The following PZP variants were observed in gnomAD, a reference collection of about 807,000 sequenced individuals.
PZP encodes pregnancy zone protein.
A neutral mutation model predicts 179.8 loss-of-function variants in PZP; 150 were observed. The observed-to-expected ratio is 0.83, with a 90% CI of 0.73 to 0.96. PZP has a LOEUF of 0.96. Among genes scored for constraint, PZP ranks in the 40% least tolerant of loss-of-function variants. PZP has a pLI of 0.00. For missense variants in PZP, 1,689 were observed against 1,764.0 expected, an observed-to-expected ratio of 0.96 and a Z score of 0.76; for synonymous variants, 624 against 652.3, an observed-to-expected ratio of 0.96 and a Z score of 0.66.
Position 9,203,873 on chromosome 12 carries a change from A to G in PZP, c.162T>C (p.Asn54=), listed in dbSNP as rs1021582897. 12 of 1,614,092 alleles carry G rather than the reference A, an allele frequency of 7.4e-6. No individual in the cohort carries two copies. Among genetic ancestry groups the G allele is most frequent in the Non-Finnish European group, 9.3e-6 (11 of 1,179,960 alleles). The stretch of plus-strand genomic sequence containing the variant: ...AGGAAGCACTTACAGTCACTGTCTC[A>G]TTCAGGTGGCTCAGAAGGACACAGC... ...KKGCVLLSHL[N]ETVTVSASLE... Residue 54 remains asparagine, a synonymous_variant, in exon 2 of 36, where the codon AAT becomes AAC. Transcript: ENST00000261336.
chr12:9,202,499 C>G (rs1944222591), intron 3 of PZP, 26 bp downstream of exon 3: 1 of 1,613,354 alleles, frequency 6.2e-7, no homozygotes, highest in Non-Finnish European at 8.5e-7. Flanking sequence ...CAGTGTTGCC[C>G]CAAACAGTGG....
At chr12:9,150,223 T>C (rs754231898) in intron 34 of PZP, among the ~76,000 whole-genome samples, 66 of 152,362 alleles carry the variant, frequency 4.3e-4, no homozygotes, top group African/African-American at 1.5e-3. Flanking sequence ...ATTCTTAAGT[T>C]TCTGACTCAA....
intron 13 of PZP, among the ~76,000 whole-genome samples, chr12:9,186,211 A>T (rs1943109357): frequency 6.6e-6 from 1 of 152,204 alleles, no homozygotes. Flanking sequence ...GGAAATGCTG[A>T]GGGAATTTGT....
At chr12:9,146,486 A>T (rs1940014960), downstream of PZP, among the ~76,000 whole-genome samples, 1 of 152,122 alleles carries the variant, frequency 6.6e-6, no homozygotes, top group South Asian at 2.1e-4. Flanking sequence ...TAAATCACAT[A>T]ATTCCATTTC....
chr12:9,174,480 G>T (rs967662832), intron 15 of PZP, among the ~76,000 whole-genome samples: 20 of 152,024 alleles, frequency 1.3e-4, no homozygotes. Flanking sequence ...AGGGCAATCA[G>T]GCAAGAGAAA....
At chr12:9,137,354 T>C in the PZP span, among the ~76,000 whole-genome samples, 2 of 152,136 alleles carry the variant, frequency 1.3e-5, no homozygotes, top group South Asian at 4.1e-4. Flanking sequence ...GGTGCATTTA[T>C]TCCTGAGATC....
downstream of PZP, among the ~76,000 whole-genome samples, chr12:9,146,136 C>T (rs1014987577): frequency 6.6e-6 from 1 of 151,762 alleles, no homozygotes; most frequent in African/African-American, 2.4e-5. Context: ...TTCTATTCTC[C>T]TTTTCTGACT....
intron 17 of PZP, 36 bp from the exon 18 acceptor site, chr12:9,166,238 C>G (rs762050576): frequency 1.2e-6 from 2 of 1,600,766 alleles, no homozygotes; most frequent in South Asian, 2.3e-5. Flanking sequence ...TAGGGAAAAA[C>G]ATTCATTAAT....
intron 10 of PZP, among the ~76,000 whole-genome samples, chr12:9,195,629 T>C (rs1943729698): frequency 6.8e-6 from 1 of 147,144 alleles, no homozygotes; most frequent in Non-Finnish European, 1.5e-5. Flanking sequence ...TTTTTTTTTT[T>C]TTTTTGCAGA....
At chr12:9,190,819 A>G (rs1943417197) in intron 13 of PZP, among the ~76,000 whole-genome samples, 3 of 152,212 alleles carry the variant, frequency 2.0e-5, no homozygotes, top group African/African-American at 4.8e-5. Context: ...TATGAAGAAT[A>G]GTGTGAAAAG....
rs1371951118 is a variant in PZP, at chr12:9,170,461, G to T, written c.1840-870C>A. ...CTGTTTGTATATATCCCTAGGAAGG[G>T]GGCTAAATTCAGAGAGCCAAAGAGC... is the stretch of plus-strand genomic sequence containing the variant. On this transcript the variant is annotated intron_variant, in intron 15 of 35. Transcript: ENST00000261336. The surrounding 1 kb of genome is among the most constrained non-coding windows in gnomAD (Gnocchi z 4.6). 6.6e-6 allele frequency among the ~76,000 whole-genome samples: 1 copy of T among 152,146 alleles called. No homozygotes were observed. The highest frequency in any genetic ancestry group is 1.5e-5 in the Non-Finnish European group (1 of 68,026).
At chr12:9,164,312 G>A (rs1941431663) in intron 19 of PZP, 53 bp from the exon 20 acceptor site, 8 of 1,555,276 alleles carry the variant, frequency 5.1e-6, no homozygotes, top group African/African-American at 2.7e-5. Context: ...GGAACGACAC[G>A]AACACATAGA....
chr12:9,164,364 T>G (rs1294446382), intron 19 of PZP, 105 bp from the exon 20 acceptor site: 2 of 1,268,954 alleles, frequency 1.6e-6, no homozygotes, highest in African/African-American at 3.0e-5. Flanking sequence ...TTGGGATTTG[T>G]AAGAAAAATG....
At chr12:9,183,813 A>G (rs939856921) in intron 13 of PZP, among the ~76,000 whole-genome samples, 1 of 152,218 alleles carries the variant, frequency 6.6e-6, no homozygotes, top group Non-Finnish European at 1.5e-5. Context: ...CTTTAGCTTA[A>G]CATTACTTAT....
intron 6 of PZP, 27 bp downstream of exon 6, chr12:9,200,865 G>A (rs1199033262): frequency 1.9e-6 from 3 of 1,591,284 alleles, no homozygotes; most frequent in Non-Finnish European, 2.6e-6. Flanking sequence ...AAAATGTTAT[G>A]CCTTTTTCAT....
At chr12:9,206,306 A>T (rs1944437917) in intron 1 of PZP, among the ~76,000 whole-genome samples, 1 of 151,888 alleles carries the variant, frequency 6.6e-6, no homozygotes, top group Non-Finnish European at 1.5e-5. Context: ...AGCCTAAAAG[A>T]TATCACGATT....
chr12:9,155,114 GA>G (rs1234548886), intron 28 of PZP, among the ~76,000 whole-genome samples: 1 of 152,206 alleles, frequency 6.6e-6, no homozygotes, highest in Non-Finnish European at 1.5e-5. Flanking sequence ...TGATGAAAGA[GA>G]AAAGTGGTAG....
the PZP span, among the ~76,000 whole-genome samples, chr12:9,138,635 T>C: frequency 3.3e-5 from 5 of 152,156 alleles, no homozygotes; most frequent in African/African-American, 1.2e-4. Context: ...TCCTGGGTTT[T>C]TATTTGTTAG....
At chr12:9,178,671 C>T (rs1018952735) in intron 15 of PZP, among the ~76,000 whole-genome samples, 3 of 152,090 alleles carry the variant, frequency 2.0e-5, no homozygotes, top group African/African-American at 4.8e-5. Context: ...CTACAGCACG[C>T]GATAAGTGCT....
Sources: allele counts gnomAD v4.1 joint callset (sites outside exome capture counted in the v4.1 genomes callset), GRCh38; gene constraint gnomAD v4.1.1; non-coding constraint Gnocchi (gnomAD v3.1); transcripts MANE v1.5; gene names NCBI Gene and HGNC (gene_info 2026-07-23, HGNC 2026-07-21).